The following CERS2 variants were observed in gnomAD, a reference collection of about 807,000 sequenced individuals.
The protein encoded by CERS2 is LAG1 homolog, ceramide synthase 2.
CERS2 carries 20 observed loss-of-function variants against 56.6 expected under a neutral mutation model. The ratio of observed to expected loss-of-function variants is 0.35; its 90% confidence interval spans 0.25 to 0.51. CERS2 has a LOEUF of 0.51. CERS2 is among the 20% of genes least tolerant of loss of function. The pLI is 0.96. For missense variants in CERS2, 361 were observed against 488.6 expected (o/e 0.74, Z 2.46); for synonymous variants, 187 against 175.4 (o/e 1.07, Z -0.52).
rs759219808 is a variant in CERS2, at chr1:150,967,205, G to A, written c.613-3C>T. The A allele has an allele frequency of 6.2e-7, 1 of 1,613,838 alleles. No homozygotes were observed. Among genetic ancestry groups the A allele is most frequent in the East Asian group, 2.2e-5 (1 of 44,876 alleles). On this transcript the variant is annotated splice_polypyrimidine_tract_variant and splice_region_variant and intron_variant, in intron 7 of 10. Transcript: ENST00000368954. ...TGGATGATCTGTTCCTTGAAATCCT[G>A]CAGAGATGATGCAGGCCCCAGGGCC...
intron 1 of CERS2, 172 bp downstream of exon 1, chr1:150,974,447 C>G (rs1489518722): frequency 2.7e-5 from 4 of 149,510 alleles, no homozygotes; most frequent in Middle Eastern, 3.4e-3. Flanking sequence ...GCCATGAGCG[C>G]CCGCAGCGCC....
chr1:150,968,284 T>A, intron 3 of CERS2, 83 bp from the exon 4 acceptor site: 1 of 1,475,648 alleles, frequency 6.8e-7, no homozygotes, highest in Non-Finnish European at 9.5e-7. Flanking sequence ...ACAACCTCAG[T>A]CAGCACCACT....
intron 1 of CERS2, among the ~76,000 whole-genome samples, chr1:150,970,164 G>A (rs1671140995): frequency 7.0e-6 from 1 of 142,072 alleles, no homozygotes; most frequent in African/African-American, 2.6e-5. Flanking sequence ...GGAGGTGAAG[G>A]TTGCAGTGAG....
chr1:150,968,690 C>G (rs1433573244), intron 2 of CERS2, among the ~76,000 whole-genome samples, 178 bp from the exon 3 acceptor site: 1 of 152,034 alleles, frequency 6.6e-6, no homozygotes, highest in Non-Finnish European at 1.5e-5. Flanking sequence ...GCCAGGCGGG[C>G]GGCGGGTAGA....
Position 150,968,528 on chromosome 1 carries a change from G to C in CERS2, c.174-16C>G. The C allele has an allele frequency of 6.4e-7, 1 of 1,572,856 alleles. No individual in the cohort carries two copies. The highest frequency in any genetic ancestry group is 8.8e-7 in the Non-Finnish European group (1 of 1,142,324). On this transcript the variant is annotated splice_polypyrimidine_tract_variant and intron_variant, in intron 2 of 10. Transcript: ENST00000368954. ...AGCCACGTACCTGGGGAAGGGATAT[G>C]AGTAAGGTATCTAGCTTGCTGGGAA...
intron 1 of CERS2, chr1:150,971,704 T>C: frequency 5.8e-6 from 2 of 347,056 alleles, no homozygotes; most frequent in South Asian, 4.5e-5. Flanking sequence ...AGAAAAGTTG[T>C]AGAAAATTGA....
At chr1:150,974,364 A>C (rs1429183233) in intron 1 of CERS2, 1 of 149,928 alleles carries the variant, frequency 6.7e-6, no homozygotes, top group African/African-American at 2.4e-5. Context: ...GCTGCCGCGG[A>C]CACCGCGGCG....
chr1:150,967,563 T>C, intron 6 of CERS2, 79 bp from the exon 7 acceptor site: 3 of 1,433,462 alleles, frequency 2.1e-6, no homozygotes, highest in Non-Finnish European at 2.0e-6. Flanking sequence ...CCTGAGGTTC[T>C]TCATTCCATC....
In CERS2 at chr1:150,965,371, T is replaced by C. The variant is rs1056667531; in HGVS notation, c.*777A>G. 1 of 152,636 alleles carries C rather than the reference T, an allele frequency of 6.6e-6. No homozygotes were observed. Among genetic ancestry groups the C allele is most frequent in the Non-Finnish European group, 1.5e-5 (1 of 68,040 alleles). 9.5% of individuals were successfully genotyped at this position (152,636 alleles called of 1,614,324 possible). ...AAATGCTAGGTGCTAGCCGTAATTCTGGCTTTAAAACCAAAACCCCAAATA... is the reference window on the plus strand; with the variant it reads ...AAATGCTAGGTGCTAGCCGTAATTCCGGCTTTAAAACCAAAACCCCAAATA... On this transcript the variant is annotated 3_prime_UTR_variant, in exon 11 of 11. Transcript: ENST00000368954.
chr1:150,969,230 C>G, intron 1 of CERS2, 139 bp from the exon 2 acceptor site: 1 of 696,022 alleles, frequency 1.4e-6, no homozygotes, highest in African/African-American at 1.8e-5. Context: ...GGCTATGTAG[C>G]CTTGGGCAAA....
Position 150,965,916 on chromosome 1 carries a change from A to AGG in CERS2, c.*231_*232insCC. 1 of 444,872 alleles carries AGG rather than the reference A, an allele frequency of 2.2e-6. No individual in the cohort carries two copies. Among genetic ancestry groups the AGG allele is most frequent in the South Asian group, 4.5e-5 (1 of 22,218 alleles). 27.6% of individuals were successfully genotyped at this position (444,872 alleles called of 1,614,324 possible). A position where few individuals can be genotyped will look rare whatever the true frequency, so the allele number is the denominator to read the frequency against. On this transcript the variant is annotated 3_prime_UTR_variant, in exon 11 of 11. Transcript: ENST00000368954. The stretch of plus-strand genomic sequence containing the variant: ...AAGGATGACTTGGCGGGTAGGGAGG[A>AGG]AAATACGACCGTCCCCCTCTAACAG...
Position 150,965,518 on chromosome 1 carries a change from C to G in CERS2, c.*630G>C, listed in dbSNP as rs985313061. On this transcript the variant is annotated 3_prime_UTR_variant, in exon 11 of 11. Coordinates refer to ENST00000368954, the MANE Select transcript of CERS2 (RefSeq NM_022075.5). ...GGAGGCAGTCAGATCTTAGACCTGT[C>G]GCTACAGGGACAGCTGAAAGAAGTA... 1 of 152,648 alleles carries G rather than the reference C, an allele frequency of 6.6e-6. No homozygotes were observed. The highest frequency in any genetic ancestry group is 2.4e-5 in the African/African-American group (1 of 41,430). 9.5% of individuals were successfully genotyped at this position (152,648 alleles called of 1,614,324 possible). A position where few individuals can be genotyped will look rare whatever the true frequency, so the allele number is the denominator to read the frequency against.
intron 9 of CERS2, 42 bp from the exon 10 acceptor site, chr1:150,966,671 C>G: frequency 1.2e-6 from 2 of 1,611,188 alleles, no homozygotes; most frequent in Non-Finnish European, 8.5e-7. Context: ...AAGAGCAGGT[C>G]AGACACCGGG....
rs35333038 is a variant in CERS2, at chr1:150,970,227, CAAAAAAAAAAAAAAAA to C, written c.-1-1152_-1-1137del. Among the ~76,000 whole-genome samples the C allele has an allele frequency of 1.4e-4, 7 of 51,200 alleles. No homozygotes were observed. In the East Asian group the frequency reaches 3.4e-3, roughly 25 times the overall value. 33.6% of individuals were successfully genotyped at this position (51,200 alleles called of 152,430 possible). On this transcript the variant is annotated intron_variant, in intron 1 of 10. Coordinates refer to ENST00000368954, the MANE Select transcript of CERS2 (RefSeq NM_022075.5). ...TGGGTAACACAGTGAGACTCTGTCT[CAAAAAAAAAAAAAAAA>C]AAAAAAAAGCCAAGGTAAAGCAAAA...
chr1:150,966,090 G>A lies in CERS2; in HGVS notation c.*58C>T. The A allele has an allele frequency of 6.6e-7, 1 of 1,523,158 alleles. No individual in the cohort carries two copies. The highest frequency in any genetic ancestry group is 8.9e-7 in the Non-Finnish European group (1 of 1,123,054). 94.4% of individuals were successfully genotyped at this position (1,523,158 alleles called of 1,614,324 possible). A position where few individuals can be genotyped will look rare whatever the true frequency, so the allele number is the denominator to read the frequency against. On this transcript the variant is annotated 3_prime_UTR_variant, in exon 11 of 11. Transcript: ENST00000368954. ...AGCTTAAAGTGACCCTATAGCGCAG[G>A]GAGCGGGGTAGTTCCTTGGCTTTAT...
chr1:150,965,915 GA>G lies in CERS2; in HGVS notation c.*232del. 2 of 445,656 alleles carry G rather than the reference GA, an allele frequency of 4.5e-6. No individual in the cohort carries two copies. Among genetic ancestry groups the G allele is most frequent in the Non-Finnish European group, 7.8e-6 (2 of 254,888 alleles). 27.6% of individuals were successfully genotyped at this position (445,656 alleles called of 1,614,324 possible). A position where few individuals can be genotyped will look rare whatever the true frequency, so the allele number is the denominator to read the frequency against. ...AAAGGATGACTTGGCGGGTAGGGAGGAAAATACGACCGTCCCCCTCTAACAG... is the reference window on the plus strand; with the variant it reads ...AAAGGATGACTTGGCGGGTAGGGAGGAAATACGACCGTCCCCCTCTAACAG... On this transcript the variant is annotated 3_prime_UTR_variant, in exon 11 of 11. Coordinates refer to ENST00000368954, the MANE Select transcript of CERS2 (RefSeq NM_022075.5).
chr1:150,967,881 G>T lies in CERS2; in HGVS notation c.411-4C>A, dbSNP rs6656535. Reference sequence around the variant, plus strand: ...CAGGTAAAATGTGAATCTCCAGCTGGCAGAGGAAGCAGAAATGGCTAGGTC... The same window carrying T: ...CAGGTAAAATGTGAATCTCCAGCTGTCAGAGGAAGCAGAAATGGCTAGGTC... On this transcript the variant is annotated splice_region_variant and splice_polypyrimidine_tract_variant and intron_variant, in intron 4 of 10. Coordinates refer to ENST00000368954, the MANE Select transcript of CERS2 (RefSeq NM_022075.5). 589,779 of 1,606,260 alleles carry T rather than the reference G, an allele frequency of 0.37. 112,067 individuals are homozygous for T. Among genetic ancestry groups the T allele is most frequent in the Admixed American group, 0.54 (32,389 of 59,938 alleles).
In CERS2 at chr1:150,968,069, C is replaced by A; in HGVS notation, c.410+14G>T. ...TATTCCTTGTCACCCAGCTTCTGCCCCAGCCTCCCCCACCTGGCTTCTCGG... is the reference window on the plus strand; with the variant it reads ...TATTCCTTGTCACCCAGCTTCTGCCACAGCCTCCCCCACCTGGCTTCTCGG... On this transcript the variant is annotated intron_variant, in intron 4 of 10. Transcript: ENST00000368954. 6.2e-7 allele frequency: 1 copy of A among 1,606,906 alleles called. No individual in the cohort carries two copies. The highest frequency in any genetic ancestry group is 8.5e-7 in the Non-Finnish European group (1 of 1,177,118).
intron 1 of CERS2, chr1:150,974,071 C>T (rs1036429140): frequency 2.0e-5 from 3 of 152,550 alleles, no homozygotes; most frequent in East Asian, 1.9e-4. Flanking sequence ...CCGTTAAGCA[C>T]ATGGAAGCTC....
Sources: allele counts gnomAD v4.1 joint callset (sites outside exome capture counted in the v4.1 genomes callset), GRCh38; gene constraint gnomAD v4.1.1; transcripts MANE v1.5; gene names NCBI Gene and HGNC (gene_info 2026-07-23, HGNC 2026-07-21).